CLTCL1: variants seen among roughly 807,000 people sequenced by gnomAD.
CLTCL1 encodes the protein clathrin heavy chain like 1, also known as clathrin heavy chain 2.
Under a neutral mutation model 190.0 loss-of-function variants are expected in CLTCL1, and 159 were observed. That is an observed-to-expected ratio of 0.84 (90% CI 0.74 to 0.95). The LOEUF (loss-of-function observed/expected upper bound fraction) is 0.95, where lower values mean the gene tolerates loss of function less well. Ranked by LOEUF, CLTCL1 falls within the 40% of genes least tolerant of loss-of-function variation. The pLI, the probability that CLTCL1 is intolerant of heterozygous loss-of-function variation, is 0.00. For missense variants in CLTCL1, 1,878 were observed against 2,033.4 expected, an observed-to-expected ratio of 0.92 and a Z score of 1.47; for synonymous variants, 752 against 769.6, an observed-to-expected ratio of 0.98 and a Z score of 0.38.
chr22:19,181,175 C>T (rs1555925713), intron 30 of CLTCL1: 1 of 243,554 alleles, frequency 4.1e-6, no homozygotes. Context: ...GGGCCATGTG[C>T]AGGGAACACT....
chr22:19,191,304 C>A lies in CLTCL1; in HGVS notation c.4323G>T (p.Lys1441Asn). The stretch of plus-strand genomic sequence containing the variant: ...CTACCTGGGGTTTTGGTTGACTCAC[C>A]TTTGAAAAGAAACTGACTGTCCAGG... ...DHTWTVSFFSKAGQLPLVKPY... is the reference protein window; with the variant it reads ...DHTWTVSFFSNAGQLPLVKPY... Residue 1441 changes from lysine to asparagine, a missense_variant and splice_region_variant, in exon 27 of 33, where the codon AAG becomes AAT. Coordinates refer to ENST00000427926, the MANE Select transcript of CLTCL1 (RefSeq NM_007098.4). 1 of 1,613,920 alleles carries A rather than the reference C, an allele frequency of 6.2e-7. No homozygotes were observed. The highest frequency in any genetic ancestry group is 8.5e-7 in the Non-Finnish European group (1 of 1,179,864).
chr22:19,240,006 T>C (rs2086201820), intron 4 of CLTCL1, among the ~76,000 whole-genome samples: 2 of 150,864 alleles, frequency 1.3e-5, no homozygotes, highest in South Asian at 4.2e-4. Flanking sequence ...TGGAGTGCAG[T>C]GGCGCGATCT....
At chr22:19,212,256 T>C (rs1555947181) in intron 19 of CLTCL1, among the ~76,000 whole-genome samples, 1 of 151,986 alleles carries the variant, frequency 6.6e-6, no homozygotes, top group East Asian at 1.9e-4. Flanking sequence ...GCTAAAACAA[T>C]TTTGAAAAAG....
At chr22:19,207,386 T>C (rs2085083591) in intron 22 of CLTCL1, 3 of 392,878 alleles carry the variant, frequency 7.6e-6, no homozygotes, top group African/African-American at 4.1e-5. Flanking sequence ...TGTTTTCTTG[T>C]AGTAAACAGA....
chr22:19,244,700 C>T (rs1454085427), intron 3 of CLTCL1, among the ~76,000 whole-genome samples: 3 of 152,192 alleles, frequency 2.0e-5, no homozygotes, highest in African/African-American at 4.8e-5. Flanking sequence ...CCTTAGGCTA[C>T]GTGTGTGGCC....
At chr22:19,216,668 G>A (rs1555949636) in intron 18 of CLTCL1, among the ~76,000 whole-genome samples, 2 of 152,184 alleles carry the variant, frequency 1.3e-5, no homozygotes, top group Non-Finnish European at 1.5e-5. Context: ...TCCACAGCCA[G>A]AGCTGTGGAG....
At chr22:19,204,485 C>G (rs1215619225) in intron 22 of CLTCL1, among the ~76,000 whole-genome samples, 2 of 152,204 alleles carry the variant, frequency 1.3e-5, no homozygotes, top group Non-Finnish European at 2.9e-5. Context: ...CCCTGCCCCG[C>G]TTCACTTAGC....
intron 27 of CLTCL1, among the ~76,000 whole-genome samples, chr22:19,188,767 C>T (rs1432314384): frequency 6.6e-6 from 1 of 151,986 alleles, no homozygotes; most frequent in Non-Finnish European, 1.5e-5. Context: ...GCGCTTGCCA[C>T]CACGCCTGGC....
intron 16 of CLTCL1, 33 bp downstream of exon 16, chr22:19,221,918 G>T (rs782181348): frequency 6.2e-7 from 1 of 1,609,872 alleles, no homozygotes; most frequent in Non-Finnish European, 8.5e-7. Flanking sequence ...AGAATCCAGG[G>T]GTAAGAGAAA....
rs549992792 is a variant in CLTCL1, at chr22:19,230,831, T to G, written c.1645-856A>C. On this transcript the variant is annotated intron_variant, in intron 10 of 32. Coordinates refer to ENST00000427926, the MANE Select transcript of CLTCL1 (RefSeq NM_007098.4). ...CCTTCTGGGTGTGTTTGTGAGGGCA[T>G]TCCCAGAGGAGACTGGCATGTGAGT... Among the ~76,000 whole-genome samples, 17 of 152,258 alleles carry G rather than the reference T, an allele frequency of 1.1e-4. No homozygotes were observed. The South Asian group carries it at 2.3e-3, about 20-fold the overall frequency.
At position 19,202,904 on chromosome 22, in the gene CLTCL1, C is replaced by G. The variant is rs1056763629; in HGVS notation, c.3601-1411G>C. Among the ~76,000 whole-genome samples the G allele has an allele frequency of 2.6e-5, 4 of 152,358 alleles. No homozygotes were observed. In the East Asian group the frequency reaches 7.7e-4, roughly 29 times the overall value. On this transcript the variant is annotated intron_variant, in intron 22 of 32. Transcript: ENST00000427926. ...CTGCTCCATGGATGTCCCTGACCCC[C>G]TCTCCACATGCTCCATGTCAGGGTT...
At chr22:19,251,647 G>A (rs371152692) in intron 3 of CLTCL1, among the ~76,000 whole-genome samples, 20 of 152,058 alleles carry the variant, frequency 1.3e-4, no homozygotes, top group South Asian at 8.3e-4. Flanking sequence ...TAGTAGAGAC[G>A]GGGTTTCACC....
chr22:19,233,356 A>C, intron 8 of CLTCL1, 38 bp from the exon 9 acceptor site: 1 of 1,610,480 alleles, frequency 6.2e-7, no homozygotes, highest in Non-Finnish European at 8.5e-7. Flanking sequence ...GTTAGGAGGC[A>C]GGTAGGGAGC....
intron 27 of CLTCL1, among the ~76,000 whole-genome samples, chr22:19,188,835 G>C (rs539959036): frequency 3.3e-5 from 5 of 151,364 alleles, no homozygotes; most frequent in Non-Finnish European, 7.4e-5. Context: ...GCTAAGTCTC[G>C]AACTCCTGAA....
chr22:19,253,897 C>T (rs1449986201), intron 3 of CLTCL1, 62 bp downstream of exon 3: 1 of 1,564,492 alleles, frequency 6.4e-7, no homozygotes, highest in African/African-American at 1.4e-5. Context: ...TTAACCACTC[C>T]ATTCTAATAT....
chr22:19,256,306 C>T (rs1386406771), intron 2 of CLTCL1, among the ~76,000 whole-genome samples: 2 of 150,978 alleles, frequency 1.3e-5, no homozygotes, highest in Non-Finnish European at 3.0e-5. Flanking sequence ...TATAGGCATG[C>T]ACTGCCACAC....
intron 29 of CLTCL1, chr22:19,184,405 C>A (rs2146199145): frequency 2.2e-6 from 1 of 451,338 alleles, no homozygotes; most frequent in South Asian, 1.6e-5. Flanking sequence ...CCTCTGAGTT[C>A]CGTTTGGGAG....
At chr22:19,180,996 G>A in intron 30 of CLTCL1, 190 bp from the exon 31 acceptor site, 1 of 593,594 alleles carries the variant, frequency 1.7e-6, no homozygotes. Context: ...GCATGGAGAG[G>A]TGAAGCCTCG....
chr22:19,282,612 G>A (rs2087758311), intron 1 of CLTCL1, among the ~76,000 whole-genome samples: 1 of 149,740 alleles, frequency 6.7e-6, no homozygotes, highest in Non-Finnish European at 1.5e-5. Flanking sequence ...CTGGGCGACA[G>A]AGCGAGACTC....
Sources: gnomAD v4.1 joint callset for allele counts (sites outside exome capture counted in the v4.1 genomes callset) on GRCh38, gnomAD v4.1.1 for gene constraint, MANE v1.5 for transcripts, NCBI Gene and HGNC (gene_info 2026-07-23, HGNC 2026-07-21) for gene names.